Variants in SEPTIN9 observed in about 807,000 individuals in gnomAD.
The protein encoded by SEPTIN9 is septin 9.
Under a neutral mutation model 56.6 loss-of-function variants are expected in SEPTIN9, and 13 were observed. That is an observed-to-expected ratio of 0.23 (90% confidence interval 0.15 to 0.37). The LOEUF is 0.37. Among genes scored for constraint, SEPTIN9 ranks in the 10% least tolerant of loss-of-function variants. SEPTIN9 has a pLI of 1.00. For synonymous variants in SEPTIN9, 332 were observed against 334.1 expected (o/e 0.99, Z 0.07); for missense variants, 650 against 823.1 (o/e 0.79, Z 2.57).
chr17:77,464,966 A>G (rs1460346301), intron 3 of SEPTIN9, among the ~76,000 whole-genome samples: 3 of 152,186 alleles, frequency 2.0e-5, no homozygotes, highest in Admixed American at 2.0e-4. Flanking sequence ...TCCCCAAAAG[A>G]GACCCTGCCC....
intron 3 of SEPTIN9, among the ~76,000 whole-genome samples, chr17:77,463,819 G>A (rs1232271920): frequency 2.0e-5 from 3 of 151,968 alleles, no homozygotes; most frequent in Non-Finnish European, 4.4e-5. Context: ...TTCCAGCCTG[G>A]ACGACAGAGC....
rs572515478 is a variant in SEPTIN9, at chr17:77,453,645, G to A, written c.722-28499G>A. Among the ~76,000 whole-genome samples, 1 of 149,466 alleles carries A rather than the reference G, an allele frequency of 6.7e-6. No individual in the cohort carries two copies. The highest frequency in any genetic ancestry group is 2.0e-4 in the East Asian group (1 of 5,106). The stretch of plus-strand genomic sequence containing the variant: ...AAAGCCTTATCTGGGCCTGGGATCT[G>A]TCCTCCGAACACTGGGTCCACTGTG... On this transcript the variant is annotated intron_variant, in intron 3 of 11. Coordinates refer to ENST00000427177, the MANE Select transcript of SEPTIN9 (RefSeq NM_001113491.2). The surrounding 1 kb of genome is among the most constrained non-coding windows in gnomAD (Gnocchi z 4.4).
At chr17:77,359,702 G>A (rs1333941545) in intron 2 of SEPTIN9, among the ~76,000 whole-genome samples, 1 of 152,096 alleles carries the variant, frequency 6.6e-6, no homozygotes, top group East Asian at 1.9e-4. Context: ...AGGCTGAGAT[G>A]GGAGGATCGC....
chr17:77,450,674 G>C lies in SEPTIN9; in HGVS notation c.722-31470G>C, dbSNP rs541724615. 3.9e-4 allele frequency: 387 copies of C among 986,266 alleles called. 2 individuals are homozygous for C. In the African/African-American group the frequency reaches 6.0e-3, roughly 15 times the overall value. The allele number at this position is 986,266 out of a possible 1,614,324, so 61.1% of individuals were successfully genotyped here. A position where few individuals can be genotyped will look rare whatever the true frequency, so the allele number is the denominator to read the frequency against. ...CCAGCACATCCCAGGCCTGCAGGGA[G>C]GGGGAGAGGAAGAGACTGACTCACT... On this transcript the variant is annotated intron_variant, in intron 3 of 11. Transcript: ENST00000427177. The surrounding 1 kb of genome is among the most constrained non-coding windows in gnomAD (Gnocchi z 6.0).
In SEPTIN9 at chr17:77,445,412, T is replaced by C. The variant is rs2037700778; in HGVS notation, c.722-36732T>C. ...TTGCCCAGGATGGATTGGAAAAGAG[T>C]TGGCAGGAAGGCTGAGCTCTGTGCT... is the stretch of plus-strand genomic sequence containing the variant. On this transcript the variant is annotated intron_variant, in intron 3 of 11. Transcript: ENST00000427177. This position sits in a 1 kb window ranked among gnomAD's most constrained non-coding sequence, Gnocchi z 4.7. 2.1e-6 allele frequency: 1 copy of C among 468,942 alleles called. No homozygotes were observed. Among genetic ancestry groups the C allele is most frequent in the South Asian group, 1.5e-5 (1 of 64,548 alleles). The allele number at this position is 468,942 out of a possible 1,614,324, so 29.0% of individuals were successfully genotyped here. A position where few individuals can be genotyped will look rare whatever the true frequency, so the allele number is the denominator to read the frequency against.
At position 77,437,369 on chromosome 17, in the gene SEPTIN9, C is replaced by G. The variant is rs1196358349; in HGVS notation, c.721+34666C>G. The stretch of plus-strand genomic sequence containing the variant: ...CCCACCCCACGCCCCCAGGAGCTCC[C>G]TATGGGGAAGCCGGAATGGACCTGG... On this transcript the variant is annotated intron_variant, in intron 3 of 11. Coordinates refer to ENST00000427177, the MANE Select transcript of SEPTIN9 (RefSeq NM_001113491.2). The surrounding 1 kb of genome is among the most constrained non-coding windows in gnomAD (Gnocchi z 5.3). Among the ~76,000 whole-genome samples the G allele has an allele frequency of 6.6e-6, 1 of 152,192 alleles. No homozygotes were observed. The highest frequency in any genetic ancestry group is 1.9e-4 in the East Asian group (1 of 5,194).
intron 2 of SEPTIN9, among the ~76,000 whole-genome samples, chr17:77,356,264 G>A (rs762793306): frequency 2.0e-5 from 3 of 152,288 alleles, no homozygotes; most frequent in South Asian, 2.1e-4. Context: ...TCTGGGCACC[G>A]TGCACCTGGC....
At position 77,449,306 on chromosome 17, in the gene SEPTIN9, G is replaced by A. The variant is rs1255820610; in HGVS notation, c.722-32838G>A. On this transcript the variant is annotated intron_variant, in intron 3 of 11. Coordinates refer to ENST00000427177, the MANE Select transcript of SEPTIN9 (RefSeq NM_001113491.2). The surrounding 1 kb of genome is among the most constrained non-coding windows in gnomAD (Gnocchi z 4.6). ...GCCCCAGGCCGGAGATGCCTTCTCT[G>A]TGCTCTGGAGACCCTCATTTGGTGA... 1.3e-5 allele frequency among the ~76,000 whole-genome samples: 2 copies of A among 152,170 alleles called. No homozygotes were observed. Among genetic ancestry groups the A allele is most frequent in the African/African-American group, 4.8e-5 (2 of 41,438 alleles).
intron 1 of SEPTIN9, among the ~76,000 whole-genome samples, chr17:77,301,906 C>T (rs1039792506): frequency 1.3e-5 from 2 of 152,172 alleles, no homozygotes; most frequent in South Asian, 2.1e-4. Context: ...GTGTCACCCT[C>T]CTCTGAGACA....
At chr17:77,287,409 G>C (rs1328783783) in intron 1 of SEPTIN9, among the ~76,000 whole-genome samples, 1 of 152,254 alleles carries the variant, frequency 6.6e-6, no homozygotes, top group South Asian at 2.1e-4. Context: ...CTGCTGAGCT[G>C]TGAGCTGCCC....
At chr17:77,306,498 A>G (rs1207481662) in intron 1 of SEPTIN9, among the ~76,000 whole-genome samples, 1 of 152,252 alleles carries the variant, frequency 6.6e-6, no homozygotes, top group Non-Finnish European at 1.5e-5. Context: ...CCCCAGGCCA[A>G]GGCCTGTGTG....
chr17:77,478,313 A>G (rs2039307171), intron 3 of SEPTIN9, among the ~76,000 whole-genome samples: 1 of 152,254 alleles, frequency 6.6e-6, no homozygotes, highest in Non-Finnish European at 1.5e-5. Flanking sequence ...TTGTGAACAC[A>G]CTGTGGCAAT....
At chr17:77,395,252 G>T (rs1294644372) in intron 2 of SEPTIN9, among the ~76,000 whole-genome samples, 1 of 152,034 alleles carries the variant, frequency 6.6e-6, no homozygotes, top group Non-Finnish European at 1.5e-5. Flanking sequence ...TATTGGCCGG[G>T]TGCAGTGGCT....
chr17:77,414,408 T>G (rs113465057), intron 3 of SEPTIN9, among the ~76,000 whole-genome samples: 5,534 of 152,122 alleles, frequency 0.036, 295 homozygotes, highest in African/African-American at 0.11. Context: ...TTCCATGGTT[T>G]TCAGTCTATT....
rs529129574 is a variant in SEPTIN9 at position 77,331,853 on chromosome 17, C to A, written c.76+24656C>A. ...GGGCGGGGAAAGGGAGGGTTGGAAG[C>A]TGAGTTAGGGGGAAAGGGGGTGGTC... On this transcript the variant is annotated intron_variant, in intron 2 of 11. Transcript: ENST00000427177. Among the ~76,000 whole-genome samples, 3 of 152,296 alleles carry A rather than the reference C, an allele frequency of 2.0e-5. No individual in the cohort carries two copies. The East Asian group carries it at 5.8e-4, about 29-fold the overall frequency.
Position 77,318,464 on chromosome 17 carries a change from T to C in SEPTIN9, c.76+11267T>C, listed in dbSNP as rs1018870561. Reference sequence around the variant, plus strand: ...ACTCTTGTTCCAAACAAGGTCCCATTTGCAGGTCTAGGGATTAGGACATGC... The same window carrying C: ...ACTCTTGTTCCAAACAAGGTCCCATCTGCAGGTCTAGGGATTAGGACATGC... On this transcript the variant is annotated intron_variant, in intron 2 of 11. Transcript: ENST00000427177. This position sits in a 1 kb window ranked among gnomAD's most constrained non-coding sequence, Gnocchi z 4.9. Among the ~76,000 whole-genome samples, 2 of 152,000 alleles carry C rather than the reference T, an allele frequency of 1.3e-5. No homozygotes were observed. Among genetic ancestry groups the C allele is most frequent in the African/African-American group, 4.8e-5 (2 of 41,376 alleles).
rs2035948689 is a variant in SEPTIN9, at chr17:77,402,797, G to A, written c.721+94G>A. The A allele has an allele frequency of 7.5e-7, 1 of 1,325,176 alleles. No homozygotes were observed. Among genetic ancestry groups the A allele is most frequent in the African/African-American group, 1.5e-5 (1 of 65,698 alleles). 82.1% of individuals were successfully genotyped at this position (1,325,176 alleles called of 1,614,324 possible). A position where few individuals can be genotyped will look rare whatever the true frequency, so the allele number is the denominator to read the frequency against. On this transcript the variant is annotated intron_variant, in intron 3 of 11. Transcript: ENST00000427177. The surrounding 1 kb of genome is among the most constrained non-coding windows in gnomAD (Gnocchi z 6.6). ...AATCTTGGAGGAAGAAGCTGGATAT[G>A]GGGTGGAGGGTGCTACCCTGGAGAC...
Position 77,313,942 on chromosome 17 carries a change from T to A in SEPTIN9, c.76+6745T>A, listed in dbSNP as rs1433152663. 6.6e-6 allele frequency among the ~76,000 whole-genome samples: 1 copy of A among 152,042 alleles called. No individual in the cohort carries two copies. The highest frequency in any genetic ancestry group is 1.5e-5 in the Non-Finnish European group (1 of 68,012). On this transcript the variant is annotated intron_variant, in intron 2 of 11. Transcript: ENST00000427177. This position sits in a 1 kb window ranked among gnomAD's most constrained non-coding sequence, Gnocchi z 4.5. ...CAGGCTAGGCATGGTGACCCATGCC[T>A]GTAATCCCAGTACTTTTGGAGCCGA...
intron 2 of SEPTIN9, among the ~76,000 whole-genome samples, chr17:77,354,973 T>C (rs1040310395): frequency 2.6e-5 from 4 of 152,130 alleles, no homozygotes; most frequent in African/African-American, 9.7e-5. Context: ...AATAATTGGC[T>C]GAGCCAGGAT....
Sources: allele counts gnomAD v4.1 joint callset (sites outside exome capture counted in the v4.1 genomes callset), GRCh38; gene constraint gnomAD v4.1.1; non-coding constraint Gnocchi (gnomAD v3.1); transcripts MANE v1.5; gene names NCBI Gene and HGNC (gene_info 2026-07-23, HGNC 2026-07-21).